FOXO1: variants seen among roughly 807,000 people sequenced by gnomAD.
FOXO1 encodes forkhead box O1, also known as forkhead box protein O1.
In FOXO1, 6 loss-of-function variants were observed where a neutral mutation model predicts 44.1. The ratio of observed to expected loss-of-function variants is 0.14; its 90% CI spans 0.07 to 0.27. The LOEUF (loss-of-function observed/expected upper bound fraction) is 0.27. Among genes scored for constraint, FOXO1 ranks in the 10% least tolerant of loss-of-function variants. The pLI is 1.00. For synonymous variants in FOXO1, 380 were observed against 362.7 expected (o/e 1.05, Z -0.54); for missense variants, 737 against 888.8 (o/e 0.83, Z 2.17).
intron 1 of FOXO1, among the ~76,000 whole-genome samples, chr13:40,614,620 G>A (rs1194243264): frequency 1.3e-5 from 2 of 152,180 alleles, no homozygotes; most frequent in African/African-American, 4.8e-5. Flanking sequence ...GCCCTGCAGA[G>A]AAGAAAGCAC....
chr13:40,573,799 C>G (rs1174036730), intron 1 of FOXO1, among the ~76,000 whole-genome samples: 1 of 152,214 alleles, frequency 6.6e-6, no homozygotes, highest in Non-Finnish European at 1.5e-5. Flanking sequence ...AACACACTGG[C>G]TATGCGCAAT....
At position 40,666,085 on chromosome 13, in the gene FOXO1, G is replaced by T; in HGVS notation, c.128C>A (p.Ala43Glu). 1 of 1,354,916 alleles carries T rather than the reference G, an allele frequency of 7.4e-7. No individual in the cohort carries two copies. The highest frequency in any genetic ancestry group is 9.5e-7 in the Non-Finnish European group (1 of 1,054,764). 83.9% of individuals were successfully genotyped at this position (1,354,916 alleles called of 1,614,324 possible). The change falls in exon 1 of 3, where the codon GCG (alanine) becomes GAG (glutamate). Residue 43 changes from alanine (A) to glutamate (E), a missense_variant. Coordinates refer to ENST00000379561, the MANE Select transcript of FOXO1 (RefSeq NM_002015.4). ...SQSNSATSSP[A>E]PSGSAAANPD... ...GTTGGCAGCCGCGCTGCCCGACGGC[G>T]CCGGGCTGGAGGTGGCCGAGTTGGA...
chr13:40,611,250 A>C (rs1170270390), intron 1 of FOXO1: 3 of 311,102 alleles, frequency 9.6e-6, no homozygotes, highest in Non-Finnish European at 1.9e-5. Context: ...ACCATGTCAG[A>C]ATGCAATCTT....
chr13:40,619,479 T>A (rs1171478866), intron 1 of FOXO1: 1 of 1,291,888 alleles, frequency 7.7e-7, no homozygotes, highest in East Asian at 2.4e-5. Flanking sequence ...ACTCGAACAG[T>A]GGAGAGTTTC....
Position 40,559,551 on chromosome 13 carries a change from G to T in FOXO1, c.1940C>A (p.Thr647Lys), listed in dbSNP as rs766520390. 6.2e-7 allele frequency: 1 copy of T among 1,608,738 alleles called. No individual in the cohort carries two copies. Among genetic ancestry groups the T allele is most frequent in the Non-Finnish European group, 8.5e-7 (1 of 1,176,916 alleles). ...GCCTGACACCCAGCTATGTGTCGTTGTCTTGACACTGTGTGGGAAGCTTTG... is the reference window on the plus strand; with the variant it reads ...GCCTGACACCCAGCTATGTGTCGTTTTCTTGACACTGTGTGGGAAGCTTTG... ...PNQSFPHSVK[T>K]TTHSWVSG Residue 647 changes from threonine (T) to lysine (K), a missense_variant, in exon 2 of 3, where the codon ACA becomes AAA. Coordinates refer to ENST00000379561, the MANE Select transcript of FOXO1 (RefSeq NM_002015.4).
At chr13:40,655,490 G>A (rs1215033288) in intron 1 of FOXO1, among the ~76,000 whole-genome samples, 1 of 151,986 alleles carries the variant, frequency 6.6e-6, no homozygotes, top group Non-Finnish European at 1.5e-5. Flanking sequence ...CCACGTGGAA[G>A]GTAACTTAGA....
chr13:40,570,450 G>A (rs965907806), intron 1 of FOXO1, among the ~76,000 whole-genome samples: 1 of 152,110 alleles, frequency 6.6e-6, no homozygotes, highest in East Asian at 1.9e-4. Flanking sequence ...AGGAAGAAGG[G>A]GGCCACCACT....
chr13:40,618,497 T>C (rs984841984), intron 1 of FOXO1, among the ~76,000 whole-genome samples: 9 of 152,212 alleles, frequency 5.9e-5, no homozygotes, highest in African/African-American at 2.2e-4. Flanking sequence ...GGTGGATGAT[T>C]TGGCTAAGCC....
chr13:40,612,900 T>C (rs1876283232), intron 1 of FOXO1, among the ~76,000 whole-genome samples: 1 of 152,212 alleles, frequency 6.6e-6, no homozygotes, highest in African/African-American at 2.4e-5. Context: ...GTCCTGGAAC[T>C]ATCTCCCTCC....
intron 1 of FOXO1, among the ~76,000 whole-genome samples, chr13:40,609,239 G>C (rs1876138016): frequency 6.6e-6 from 1 of 152,122 alleles, no homozygotes; most frequent in South Asian, 2.1e-4. Flanking sequence ...AAGTCATCTG[G>C]AGGGTAGAAT....
intron 1 of FOXO1, among the ~76,000 whole-genome samples, chr13:40,634,045 T>C (rs559835811): frequency 6.6e-5 from 10 of 152,344 alleles, no homozygotes; most frequent in Non-Finnish European, 1.3e-4. Context: ...GGAAGTTTCA[T>C]ACCTATTCTC....
At chr13:40,561,571 T>C (rs1352024913) in intron 1 of FOXO1, among the ~76,000 whole-genome samples, 2 of 152,088 alleles carry the variant, frequency 1.3e-5, no homozygotes, top group South Asian at 2.1e-4. Flanking sequence ...CTACTGCCAA[T>C]TCTCTTCAGT....
rs1873806251 is a variant in FOXO1 at position 40,557,619 on chromosome 13, C to T, written c.*1430G>A. The T allele has an allele frequency of 6.6e-6, 1 of 152,194 alleles. No homozygotes were observed. The highest frequency in any genetic ancestry group is 1.5e-5 in the Non-Finnish European group (1 of 68,042). The allele number at this position is 152,194 out of a possible 1,614,324, so 9.4% of individuals were successfully genotyped here. A position where few individuals can be genotyped will look rare whatever the true frequency, so the allele number is the denominator to read the frequency against. ...ACAGTGTGCTAAGTAATCTAATCTG[C>T]AGGGCAGAAGGGAGAATGAGATGAA... On this transcript the variant is annotated 3_prime_UTR_variant, in exon 3 of 3. Coordinates refer to ENST00000379561, the MANE Select transcript of FOXO1 (RefSeq NM_002015.4).
chr13:40,573,652 T>C lies in FOXO1; in HGVS notation c.631-12792A>G, dbSNP rs146569295. Among the ~76,000 whole-genome samples the C allele has an allele frequency of 9.6e-3, 1,459 of 152,332 alleles. 32 individuals carry two copies. Among genetic ancestry groups the C allele is most frequent in the African/African-American group, 0.032 (1,341 of 41,574 alleles). On this transcript the variant is annotated intron_variant, in intron 1 of 2. Coordinates refer to ENST00000379561, the MANE Select transcript of FOXO1 (RefSeq NM_002015.4). Reference sequence around the variant, plus strand: ...ACATGGATGATATTGTTGTCATACGTTAAGACAAGACTATCTTTATAAACC... The same window carrying C: ...ACATGGATGATATTGTTGTCATACGCTAAGACAAGACTATCTTTATAAACC...
intron 1 of FOXO1, among the ~76,000 whole-genome samples, chr13:40,661,344 C>T (rs536446210): frequency 1.3e-4 from 19 of 151,954 alleles, no homozygotes; most frequent in African/African-American, 4.3e-4. Context: ...GACGTGATCT[C>T]GGCTCACTGC....
chr13:40,595,753 T>C (rs1284669716), intron 1 of FOXO1, among the ~76,000 whole-genome samples: 1 of 152,160 alleles, frequency 6.6e-6, no homozygotes, highest in Non-Finnish European at 1.5e-5. Flanking sequence ...TGATCACTTC[T>C]ATGCTCTTCT....
At chr13:40,596,084 T>C (rs991371930) in intron 1 of FOXO1, among the ~76,000 whole-genome samples, 1 of 152,178 alleles carries the variant, frequency 6.6e-6, no homozygotes, top group African/African-American at 2.4e-5. Context: ...TATGTGTTTA[T>C]GATACAACAA....
chr13:40,607,965 C>T (rs114247193), intron 1 of FOXO1, among the ~76,000 whole-genome samples: 269 of 152,370 alleles, frequency 1.8e-3, no homozygotes, highest in African/African-American at 6.4e-3. Context: ...CCTCAATTCA[C>T]GTACCCTCTT....
Position 40,598,853 on chromosome 13 carries a change from G to A in FOXO1, c.631-37993C>T, listed in dbSNP as rs558408596. On this transcript the variant is annotated intron_variant, in intron 1 of 2. Transcript: ENST00000379561. ...TATATACACTGAAGTTTGCCATCTC[G>A]CAAAATGGTTTATTATTTCATTTTC... Among the ~76,000 whole-genome samples the A allele has an allele frequency of 4.6e-5, 7 of 152,252 alleles. No homozygotes were observed. In the East Asian group the frequency reaches 5.8e-4, roughly 13 times the overall value.
Sources: gnomAD v4.1 joint callset for allele counts (sites outside exome capture counted in the v4.1 genomes callset) on GRCh38, gnomAD v4.1.1 for gene constraint, MANE v1.5 for transcripts, NCBI Gene and HGNC (gene_info 2026-07-23, HGNC 2026-07-21) for gene names.